TMEM273: variants seen among roughly 807,000 people sequenced by gnomAD.
TMEM273 encodes the protein transmembrane protein 273.
In TMEM273, 19 loss-of-function variants were observed where a neutral mutation model predicts 17.9. The ratio of observed to expected loss-of-function variants is 1.06; its 90% CI spans 0.74 to 1.55. TMEM273 has a LOEUF of 1.55. Among genes scored for constraint, TMEM273 ranks in the 40% most tolerant of loss-of-function variants. The pLI is 0.00. For missense variants in TMEM273, 194 were observed against 155.6 expected (o/e 1.25, Z -1.31); for synonymous variants, 66 against 62.0 (o/e 1.07, Z -0.31).
In TMEM273 at chr10:49,155,626, T is replaced by G; in HGVS notation, c.*266A>C. On this transcript the variant is annotated 3_prime_UTR_variant, in exon 7 of 7. Transcript: ENST00000374153. ...AACAGCTCCAACACAGGGTGAAGCT[T>G]TTGGTGTCCACCTTCTTCCACTGCA... 1 of 561,998 alleles carries G rather than the reference T, an allele frequency of 1.8e-6. No individual in the cohort carries two copies. Among genetic ancestry groups the G allele is most frequent in the Non-Finnish European group, 3.2e-6 (1 of 315,430 alleles). The allele number at this position is 561,998 out of a possible 1,614,324, so 34.8% of individuals were successfully genotyped here. A position where few individuals can be genotyped will look rare whatever the true frequency, so the allele number is the denominator to read the frequency against.
At chr10:49,161,500 G>A in intron 6 of TMEM273, 99 bp downstream of exon 6, 9 of 1,509,142 alleles carry the variant, frequency 6.0e-6, no homozygotes, top group Non-Finnish European at 8.3e-6. Flanking sequence ...GTCCCACGTG[G>A]CCAGGGGAGG....
At chr10:49,159,776 G>T (rs1038904164) in intron 6 of TMEM273, among the ~76,000 whole-genome samples, 1 of 152,060 alleles carries the variant, frequency 6.6e-6, no homozygotes, top group Non-Finnish European at 1.5e-5. Flanking sequence ...GGGAAAATTA[G>T]ACCCTTGTGC....
intron 5 of TMEM273, among the ~76,000 whole-genome samples, chr10:49,162,526 C>T (rs112600049): frequency 0.036 from 5,555 of 152,302 alleles, 279 homozygotes; most frequent in South Asian, 0.12. Flanking sequence ...CAATGTGTGC[C>T]AGGAATTCAG....
chr10:49,187,662 G>C (rs1166095604), intron 1 of TMEM273, among the ~76,000 whole-genome samples: 4 of 151,886 alleles, frequency 2.6e-5, no homozygotes. Flanking sequence ...CTTCCTCTCT[G>C]TCTACTTCTC....
intron 5 of TMEM273, among the ~76,000 whole-genome samples, chr10:49,162,568 A>G (rs1845914327): frequency 6.6e-6 from 1 of 152,030 alleles, no homozygotes; most frequent in Non-Finnish European, 1.5e-5. Flanking sequence ...TGCTGGGGGG[A>G]GCTCTAGTAC....
intron 6 of TMEM273, among the ~76,000 whole-genome samples, chr10:49,159,743 C>CAGAG (rs113517056): frequency 0.26 from 35,575 of 136,636 alleles, 4,405 homozygotes; most frequent in African/African-American, 0.36. Context: ...GAGAGAGAGA[C>CAGAG]AGAGAGAGAA....
At chr10:49,156,018 A>T in intron 6 of TMEM273, 109 bp from the exon 7 acceptor site, 1 of 1,597,650 alleles carries the variant, frequency 6.3e-7, no homozygotes, top group African/African-American at 1.3e-5. Flanking sequence ...AAAGCTCATC[A>T]GCAAAGCCTG....
chr10:49,174,405 G>T (rs570925019), intron 1 of TMEM273, among the ~76,000 whole-genome samples: 3 of 152,316 alleles, frequency 2.0e-5, no homozygotes, highest in African/African-American at 7.2e-5. Flanking sequence ...ATGGGCCTTG[G>T]CTACACAGTC....
intron 1 of TMEM273, among the ~76,000 whole-genome samples, chr10:49,173,915 C>T (rs556698488): frequency 5.3e-5 from 8 of 152,286 alleles, no homozygotes; most frequent in Admixed American, 2.6e-4. Flanking sequence ...ACTGTAGTGG[C>T]TCCATCTTCC....
In TMEM273 at chr10:49,161,141, C is replaced by T. The variant is rs112701578; in HGVS notation, c.372+458G>A. The stretch of plus-strand genomic sequence containing the variant: ...CGAGATCCTGTCCCCTTCTGTAGAC[C>T]GGCCCTCCACATACAGGCTTCGTCC... On this transcript the variant is annotated intron_variant, in intron 6 of 6. Coordinates refer to ENST00000374153, the MANE Select transcript of TMEM273 (RefSeq NM_001288740.3). The T allele has an allele frequency of 2.6e-3, 429 of 164,904 alleles. 1 individual carries two copies. Among genetic ancestry groups the T allele is most frequent in the African/African-American group, 9.5e-3 (398 of 41,862 alleles). The allele number at this position is 164,904 out of a possible 1,614,324, so 10.2% of individuals were successfully genotyped here.
At chr10:49,165,478 A>G in intron 4 of TMEM273, 195 bp from the exon 5 acceptor site, 3 of 1,456,552 alleles carry the variant, frequency 2.1e-6, no homozygotes, top group Non-Finnish European at 2.7e-6. Flanking sequence ...AGTCAGGGGT[A>G]TGCACTGAAG....
At position 49,155,777 on chromosome 10, in the gene TMEM273, T is replaced by C. The variant is rs1845470897; in HGVS notation, c.*115A>G. ...TTATTTGCCTCCAATATTCAGTCCA[T>C]GTGAAAGTTCATTACCAGCCTTGGG... On this transcript the variant is annotated 3_prime_UTR_variant, in exon 7 of 7. Transcript: ENST00000374153. 6.8e-7 allele frequency: 1 copy of C among 1,464,038 alleles called. No individual in the cohort carries two copies. The highest frequency in any genetic ancestry group is 9.5e-7 in the Non-Finnish European group (1 of 1,049,714). The allele number at this position is 1,464,038 out of a possible 1,614,324, so 90.7% of individuals were successfully genotyped here.
rs968916262 is a variant in TMEM273 at position 49,154,798 on chromosome 10, C to G, written c.*1094G>C. 5.9e-5 allele frequency: 9 copies of G among 152,148 alleles called. No homozygotes were observed. The highest frequency in any genetic ancestry group is 4.6e-4 in the Admixed American group (7 of 15,276). 9.4% of individuals were successfully genotyped at this position (152,148 alleles called of 1,614,324 possible). A position where few individuals can be genotyped will look rare whatever the true frequency, so the allele number is the denominator to read the frequency against. On this transcript the variant is annotated 3_prime_UTR_variant, in exon 7 of 7. Coordinates refer to ENST00000374153, the MANE Select transcript of TMEM273 (RefSeq NM_001288740.3). ...AAATTGCTTATGAGTATCACATTAC[C>G]GCTCTTGGTTATCAGTTAACAAAGG... is the stretch of plus-strand genomic sequence containing the variant.
intron 6 of TMEM273, chr10:49,156,318 A>G (rs1189759798): frequency 4.7e-6 from 6 of 1,284,964 alleles, no homozygotes; most frequent in Non-Finnish European, 6.2e-6. Context: ...ATGCCTTCAC[A>G]TCTGAACTAC....
intron 5 of TMEM273, among the ~76,000 whole-genome samples, chr10:49,164,173 A>G (rs1846018832): frequency 6.6e-6 from 1 of 152,156 alleles, no homozygotes; most frequent in Non-Finnish European, 1.5e-5. Context: ...TCAAAAAAAT[A>G]TCATCTCACC....
At chr10:49,171,153 G>T (rs983316890) in intron 1 of TMEM273, among the ~76,000 whole-genome samples, 7 of 152,258 alleles carry the variant, frequency 4.6e-5, no homozygotes, top group South Asian at 2.1e-4. Flanking sequence ...AGGGGACTGA[G>T]GTAAGGCTGT....
chr10:49,161,094 T>C (rs971750827), intron 6 of TMEM273: 2 of 157,900 alleles, frequency 1.3e-5, no homozygotes, highest in Middle Eastern at 3.3e-3. Context: ...TCTTCATCCA[T>C]AGGCTCATTC....
chr10:49,162,035 T>C (rs1043176072), intron 5 of TMEM273, among the ~76,000 whole-genome samples: 4 of 152,214 alleles, frequency 2.6e-5, no homozygotes, highest in Non-Finnish European at 4.4e-5. Context: ...AAGTTCATTG[T>C]TGAATAACTA....
intron 6 of TMEM273, among the ~76,000 whole-genome samples, chr10:49,157,336 T>A (rs181130430): frequency 1.8e-4 from 28 of 152,282 alleles, no homozygotes; most frequent in African/African-American, 6.7e-4. Flanking sequence ...TGGCAGAGTC[T>A]AGGGCAGCAT....
Sources: gnomAD v4.1 joint callset for allele counts (sites outside exome capture counted in the v4.1 genomes callset) on GRCh38, gnomAD v4.1.1 for gene constraint, MANE v1.5 for transcripts, NCBI Gene and HGNC (gene_info 2026-07-23, HGNC 2026-07-21) for gene names.